The following FNBP4 variants were observed in gnomAD, a reference collection of about 807,000 sequenced individuals.
FNBP4 encodes formin-binding protein 4.
A neutral mutation model predicts 119.3 loss-of-function variants in FNBP4; 34 were observed. The ratio of observed to expected loss-of-function variants is 0.28; its 90% confidence interval spans 0.22 to 0.38. FNBP4 has a LOEUF of 0.38. Ranked by LOEUF, FNBP4 falls within the 10% of genes least tolerant of loss-of-function variation. The pLI, the probability that FNBP4 is intolerant of heterozygous loss-of-function variation, is 1.00. For missense variants in FNBP4, 1,112 were observed against 1,228.9 expected (o/e 0.90, Z 1.42); for synonymous variants, 462 against 430.6 (o/e 1.07, Z -0.90).
chr11:47,744,077 A>G lies in FNBP4; in HGVS notation c.1332T>C (p.Asp444=). 6.2e-7 allele frequency: 1 copy of G among 1,614,154 alleles called. No homozygotes were observed. Among genetic ancestry groups the G allele is most frequent in the Non-Finnish European group, 8.5e-7 (1 of 1,180,022 alleles). ...TTTTAGACATAAGCCTACGCATTCC[A>G]TCTTGAGATGCTGGCTGGCTGATAT... ...RSDISQPASQ[D]GMRRLMSKRG... Residue 444 remains aspartate (D), a synonymous_variant, in exon 8 of 17, where the codon GAT becomes GAC. Transcript: ENST00000263773.
chr11:47,762,356 C>T (rs2097637327), intron 2 of FNBP4, among the ~76,000 whole-genome samples: 1 of 151,648 alleles, frequency 6.6e-6, no homozygotes, highest in Admixed American at 6.6e-5. Flanking sequence ...CTTGAACTCC[C>T]GACCTTGTCA....
chr11:47,740,626 C>T (rs2097580586), intron 8 of FNBP4, among the ~76,000 whole-genome samples: 1 of 151,140 alleles, frequency 6.6e-6, no homozygotes, highest in African/African-American at 2.5e-5. Context: ...GACAGTCTCA[C>T]TCTGTCGCTT....
At chr11:47,761,542 A>G (rs2135280637) in intron 2 of FNBP4, among the ~76,000 whole-genome samples, 2 of 152,236 alleles carry the variant, frequency 1.3e-5, no homozygotes, top group South Asian at 4.2e-4. Context: ...CAGTGAGCCA[A>G]GATCACACCA....
At chr11:47,731,859 T>C (rs1009280047) in intron 11 of FNBP4, 1 of 1,071,592 alleles carries the variant, frequency 9.3e-7, no homozygotes, top group African/African-American at 1.7e-5. Flanking sequence ...TAACAGGGTT[T>C]CAAGTTTCAT....
chr11:47,743,830 G>A, intron 8 of FNBP4, 123 bp downstream of exon 8: 1 of 850,992 alleles, frequency 1.2e-6, no homozygotes, highest in Non-Finnish European at 1.8e-6. Context: ...TTCCTTCCCA[G>A]CACTTCTCCC....
chr11:47,755,548 T>C (rs896746313), intron 2 of FNBP4, among the ~76,000 whole-genome samples: 2 of 150,890 alleles, frequency 1.3e-5, no homozygotes, highest in African/African-American at 2.4e-5. Flanking sequence ...TTCGGGAGGA[T>C]CTGAGGCAGG....
rs1036705850 is a variant in FNBP4 at position 47,767,051 on chromosome 11, C to T, written c.220+18G>A. 6.6e-6 allele frequency: 10 copies of T among 1,520,420 alleles called. No individual in the cohort carries two copies. Among genetic ancestry groups the T allele is most frequent in the African/African-American group, 4.3e-5 (3 of 70,216 alleles). The allele number at this position is 1,520,420 out of a possible 1,614,324, so 94.2% of individuals were successfully genotyped here. A position where few individuals can be genotyped will look rare whatever the true frequency, so the allele number is the denominator to read the frequency against. ...GCAAGCCCTGAGCTCGAGTTCAGGT[C>T]CCCCCGCGCACCCTTGCCTTCTGAA... On this transcript the variant is annotated intron_variant, in intron 1 of 16. Transcript: ENST00000263773.
chr11:47,742,477 C>CAAAAAAAAA (rs568784009), intron 8 of FNBP4, among the ~76,000 whole-genome samples: 821 of 23,774 alleles, frequency 0.035, 262 homozygotes, highest in Non-Finnish European at 0.046. Context: ...GACTCCGTCT[C>CAAAAAAAAA]AAAAAAAAAA....
intron 12 of FNBP4, chr11:47,729,452 A>C: frequency 2.0e-6 from 2 of 985,398 alleles, no homozygotes; most frequent in South Asian, 9.4e-5. Flanking sequence ...AATGACTTAG[A>C]AAAATAAATA....
intron 6 of FNBP4, among the ~76,000 whole-genome samples, chr11:47,747,015 A>G (rs2097591743): frequency 6.6e-6 from 1 of 152,102 alleles, no homozygotes; most frequent in Non-Finnish European, 1.5e-5. Context: ...TGACTGGATA[A>G]ATCTTTACCT....
At chr11:47,730,093 G>A (rs1035740333) in intron 12 of FNBP4, 3 of 985,400 alleles carry the variant, frequency 3.0e-6, no homozygotes, top group Non-Finnish European at 3.6e-6. Context: ...GGTAACAGTG[G>A]AATTTTCAAC....
intron 8 of FNBP4, among the ~76,000 whole-genome samples, chr11:47,739,864 C>A (rs1379102128): frequency 6.6e-6 from 1 of 152,120 alleles, no homozygotes; most frequent in Non-Finnish European, 1.5e-5. Context: ...CCACAACCTC[C>A]ATCTCCCAGG....
At chr11:47,723,375 A>G in intron 14 of FNBP4, 59 bp from the exon 15 acceptor site, 1 of 1,526,168 alleles carries the variant, frequency 6.6e-7, no homozygotes, top group Non-Finnish European at 8.8e-7. Context: ...GAACAGATGC[A>G]ATGAAAAGAG....
intron 2 of FNBP4, 83 bp downstream of exon 2, chr11:47,765,187 G>T: frequency 1.2e-6 from 1 of 853,678 alleles, no homozygotes. Context: ...AAAGCATTCA[G>T]CAAAACATTC....
intron 12 of FNBP4, chr11:47,729,727 T>C: frequency 7.1e-6 from 7 of 985,438 alleles, no homozygotes; most frequent in Non-Finnish European, 8.4e-6. Context: ...CTGTGTTTTG[T>C]TTTTTCTCTT....
chr11:47,741,295 G>A (rs1373593932), intron 8 of FNBP4, among the ~76,000 whole-genome samples: 1 of 151,514 alleles, frequency 6.6e-6, no homozygotes, highest in Admixed American at 6.6e-5. Context: ...TCAACATCCT[G>A]AGTAGCTGGG....
chr11:47,724,848 T>C, intron 12 of FNBP4, 70 bp from the exon 13 acceptor site: 1 of 1,503,996 alleles, frequency 6.6e-7, no homozygotes, highest in South Asian at 1.4e-5. Flanking sequence ...ATAGAAATGT[T>C]CAACTGGTCA....
chr11:47,751,872 C>T (rs1292938802), intron 4 of FNBP4, among the ~76,000 whole-genome samples: 5 of 151,502 alleles, frequency 3.3e-5, no homozygotes, highest in Non-Finnish European at 5.9e-5. Flanking sequence ...TGCTTGAACT[C>T]GGGAGGCAAA....
At chr11:47,749,237 C>G (rs1270979249) in intron 6 of FNBP4, among the ~76,000 whole-genome samples, 1 of 152,044 alleles carries the variant, frequency 6.6e-6, no homozygotes, top group Non-Finnish European at 1.5e-5. Flanking sequence ...TGCCACTGTA[C>G]TCTAGCCTGG....
Sources: gnomAD v4.1 joint callset for allele counts (sites outside exome capture counted in the v4.1 genomes callset) on GRCh38, gnomAD v4.1.1 for gene constraint, MANE v1.5 for transcripts, NCBI Gene and HGNC (gene_info 2026-07-23, HGNC 2026-07-21) for gene names.